Variants in TMEM132E observed in about 807,000 individuals in gnomAD.
TMEM132E encodes the protein transmembrane protein 132E.
A neutral mutation model predicts 78.5 loss-of-function variants in TMEM132E; 49 were observed. That is an observed-to-expected ratio of 0.62 (90% CI 0.50 to 0.79). TMEM132E has a LOEUF of 0.79. Ranked by LOEUF, TMEM132E falls within the 30% of genes least tolerant of loss-of-function variation. The pLI is 0.00. For missense variants in TMEM132E, 1,403 were observed against 1,470.9 expected (o/e 0.95, Z 0.75); for synonymous variants, 715 against 670.6 (o/e 1.07, Z -1.02).
At chr17:34,630,721 C>T (rs1266904780) in intron 5 of TMEM132E, among the ~76,000 whole-genome samples, 2 of 152,146 alleles carry the variant, frequency 1.3e-5, no homozygotes, top group African/African-American at 4.8e-5. Flanking sequence ...GAGGGCCCCA[C>T]TCCCGGCACA....
chr17:34,595,836 G>C (rs183889934), intron 1 of TMEM132E, among the ~76,000 whole-genome samples: 14 of 152,300 alleles, frequency 9.2e-5, no homozygotes, highest in African/African-American at 2.9e-4. Context: ...CTCACCTCTG[G>C]CTTCTTCAGG....
At chr17:34,624,885 C>T (rs1907071085) in intron 1 of TMEM132E, among the ~76,000 whole-genome samples, 1 of 152,146 alleles carries the variant, frequency 6.6e-6, no homozygotes, top group African/African-American at 2.4e-5. Flanking sequence ...GACAACACAG[C>T]CTCCTGCGAG....
chr17:34,630,610 T>C (rs2142083572), intron 5 of TMEM132E, among the ~76,000 whole-genome samples: 1 of 152,240 alleles, frequency 6.6e-6, no homozygotes, highest in South Asian at 2.1e-4. Context: ...CTCAAAGACC[T>C]GCCGTGAACC....
chr17:34,626,178 G>T lies in TMEM132E; in HGVS notation c.119G>T (p.Ser40Ile). Residue 40 changes from serine (S) to isoleucine (I), a missense_variant, in exon 2 of 9, where the codon AGC becomes ATC. Physicochemically the swap from Ser to Ile is moderately radical, Grantham distance 142. Transcript: ENST00000631683. ...CCCAGCCCGCCGGGGCCGCAGGCCA[G>T]CCCGGTGCTGCCAGTCAGCTACCGC... ...ASPSPPGPQA[S>I]PVLPVSYRLS... 1 of 1,562,666 alleles carries T rather than the reference G, an allele frequency of 6.4e-7. No homozygotes were observed.
intron 1 of TMEM132E, among the ~76,000 whole-genome samples, chr17:34,601,165 C>A (rs554883000): frequency 7.2e-5 from 11 of 152,310 alleles, no homozygotes; most frequent in African/African-American, 2.6e-4. Context: ...ACCCTCCATG[C>A]CAGCATTAAT....
At chr17:34,581,179 G>T (rs752508411) in intron 1 of TMEM132E, 36 bp downstream of exon 1, 4 of 1,489,694 alleles carry the variant, frequency 2.7e-6, no homozygotes, top group Non-Finnish European at 3.6e-6. Context: ...GTGAGGATGC[G>T]GCAGGCGCCA....
Position 34,628,650 on chromosome 17 carries a change from A to G in TMEM132E, c.1086A>G (p.Ala362=). ...TGACCTCGGAGCTGCTGACTGGGGCAAAGCACTCAACAGCCACCGTGGATG... is the reference window on the plus strand; with the variant it reads ...TGACCTCGGAGCTGCTGACTGGGGCGAAGCACTCAACAGCCACCGTGGATG... ...WHVTSELLTG[A]KHSTATVDVA... Residue 362 remains alanine (A), a synonymous_variant, in exon 3 of 9, where the codon GCA becomes GCG. Transcript: ENST00000631683. 1 of 1,613,526 alleles carries G rather than the reference A, an allele frequency of 6.2e-7. No individual in the cohort carries two copies. Among genetic ancestry groups the G allele is most frequent in the Non-Finnish European group, 8.5e-7 (1 of 1,179,762 alleles).
intron 1 of TMEM132E, among the ~76,000 whole-genome samples, chr17:34,617,269 A>C (rs1906814943): frequency 6.6e-6 from 1 of 152,264 alleles, no homozygotes; most frequent in Non-Finnish European, 1.5e-5. Context: ...TCAGTGACAG[A>C]GCTTTCTGGG....
chr17:34,628,510 G>T, intron 2 of TMEM132E, 53 bp from the exon 3 acceptor site: 1 of 1,605,510 alleles, frequency 6.2e-7, no homozygotes, highest in Non-Finnish European at 8.5e-7. Flanking sequence ...CAGGCAGGCA[G>T]CTTTGGGCTG....
intron 1 of TMEM132E, among the ~76,000 whole-genome samples, chr17:34,599,339 C>T (rs1182646394): frequency 1.3e-5 from 2 of 152,240 alleles, no homozygotes; most frequent in Non-Finnish European, 2.9e-5. Context: ...CCCCCACTGT[C>T]TAGCCATAAG....
At chr17:34,589,532 A>G (rs1192515304) in intron 1 of TMEM132E, among the ~76,000 whole-genome samples, 1 of 152,136 alleles carries the variant, frequency 6.6e-6, no homozygotes, top group Admixed American at 6.5e-5. Context: ...GATTACATGC[A>G]CTTGTTTGGC....
At chr17:34,592,262 C>G (rs1424623846) in intron 1 of TMEM132E, among the ~76,000 whole-genome samples, 2 of 152,202 alleles carry the variant, frequency 1.3e-5, no homozygotes, top group Non-Finnish European at 2.9e-5. Flanking sequence ...CCCATGTTCC[C>G]AGTGCTTCTG....
Position 34,638,534 on chromosome 17 carries a change from C to T in TMEM132E, c.*302C>T. The T allele has an allele frequency of 3.1e-6, 1 of 322,168 alleles. No individual in the cohort carries two copies. 20.0% of individuals were successfully genotyped at this position (322,168 alleles called of 1,614,324 possible). A position where few individuals can be genotyped will look rare whatever the true frequency, so the allele number is the denominator to read the frequency against. ...AACCTCCTCCCATCTTAAGCAACCCCCTGCCCCAAGAGTGAGGCAAGGAGG... is the reference window on the plus strand; with the variant it reads ...AACCTCCTCCCATCTTAAGCAACCCTCTGCCCCAAGAGTGAGGCAAGGAGG... On this transcript the variant is annotated 3_prime_UTR_variant, in exon 9 of 9. Coordinates refer to ENST00000631683, the MANE Select transcript of TMEM132E (RefSeq NM_001304438.2).
intron 1 of TMEM132E, among the ~76,000 whole-genome samples, chr17:34,617,470 T>TAAATAA (rs1906820626): frequency 6.6e-6 from 1 of 152,194 alleles, no homozygotes; most frequent in Non-Finnish European, 1.5e-5. Context: ...AGCACTTCCC[T>TAAATAA]CCTCTCAGAA....
chr17:34,608,931 G>T (rs144683230), intron 1 of TMEM132E, among the ~76,000 whole-genome samples: 46 of 152,248 alleles, frequency 3.0e-4, no homozygotes, highest in Admixed American at 9.8e-4. Flanking sequence ...TCTAGCACTC[G>T]CAGCAGACAG....
At chr17:34,632,634 G>C (rs1457742644) in intron 5 of TMEM132E, 70 bp from the exon 6 acceptor site, 1 of 1,554,302 alleles carries the variant, frequency 6.4e-7, no homozygotes, top group Non-Finnish European at 8.9e-7. Flanking sequence ...TTGTCAGACT[G>C]AAGTCCTCCG....
intron 7 of TMEM132E, among the ~76,000 whole-genome samples, chr17:34,635,452 G>T (rs1194903989): frequency 6.7e-6 from 1 of 148,252 alleles, no homozygotes; most frequent in Non-Finnish European, 1.5e-5. Flanking sequence ...TGTCTGGATA[G>T]AAATCATCTA....
rs760234820 is a variant in TMEM132E at position 34,632,913 on chromosome 17, C to CA, written c.1688+5dup. The CA allele has an allele frequency of 6.2e-7, 1 of 1,614,022 alleles. No homozygotes were observed. Among genetic ancestry groups the CA allele is most frequent in the Non-Finnish European group, 8.5e-7 (1 of 1,180,012 alleles). On this transcript the variant is annotated splice_donor_region_variant and intron_variant, in intron 6 of 8. Transcript: ENST00000631683. The stretch of plus-strand genomic sequence containing the variant: ...TACCTATCCTCCCCGACCGGAGGTA[C>CA]AGCCCCTCTCCCATGGCGGATACTT...
intron 1 of TMEM132E, among the ~76,000 whole-genome samples, chr17:34,588,437 G>T (rs1905752987): frequency 6.6e-6 from 1 of 152,150 alleles, no homozygotes; most frequent in Admixed American, 6.5e-5. Flanking sequence ...AATAAACTAG[G>T]CAACTGATGA....
Sources: allele counts gnomAD v4.1 joint callset (sites outside exome capture counted in the v4.1 genomes callset), GRCh38; gene constraint gnomAD v4.1.1; transcripts MANE v1.5; gene names NCBI Gene and HGNC (gene_info 2026-07-23, HGNC 2026-07-21).